Variants in TRAPPC9 observed in about 807,000 individuals in gnomAD.
The protein encoded by TRAPPC9 is trafficking protein particle complex subunit 9.
TRAPPC9 carries 83 observed loss-of-function variants against 124.0 expected under a neutral mutation model. The observed-to-expected ratio is 0.67, with a 90% confidence interval of 0.56 to 0.80. TRAPPC9 has a LOEUF of 0.80. Ranked by LOEUF, TRAPPC9 falls within the 30% of genes least tolerant of loss-of-function variation. TRAPPC9 has a pLI of 0.00. For missense variants in TRAPPC9, 1,302 were observed against 1,508.3 expected (o/e 0.86, Z 2.27); for synonymous variants, 638 against 617.5 (o/e 1.03, Z -0.49).
chr8:140,317,967 C>T (rs2131921541), intron 9 of TRAPPC9, among the ~76,000 whole-genome samples: 1 of 152,112 alleles, frequency 6.6e-6, no homozygotes, highest in South Asian at 2.1e-4. Flanking sequence ...GGATTGGTAT[C>T]AAATGTCACC....
chr8:140,171,625 C>T (rs774036813), intron 17 of TRAPPC9, among the ~76,000 whole-genome samples: 4 of 152,158 alleles, frequency 2.6e-5, no homozygotes, highest in Non-Finnish European at 5.9e-5. Flanking sequence ...GAGCTGAGGT[C>T]CTCTGCCATG....
chr8:140,016,114 C>T (rs1839447516), intron 18 of TRAPPC9, among the ~76,000 whole-genome samples: 1 of 152,164 alleles, frequency 6.6e-6, no homozygotes, highest in East Asian at 1.9e-4. Context: ...CTTTCCAGCT[C>T]TCCCCAGTAA....
At chr8:139,970,526 G>A (rs1358405002) in intron 19 of TRAPPC9, among the ~76,000 whole-genome samples, 2 of 152,152 alleles carry the variant, frequency 1.3e-5, no homozygotes, top group African/African-American at 2.4e-5. Context: ...CCCAGAGAGA[G>A]GCCCCTTCAT....
chr8:139,746,509 G>A (rs1003098485), intron 21 of TRAPPC9, among the ~76,000 whole-genome samples: 7 of 152,176 alleles, frequency 4.6e-5, no homozygotes, highest in Admixed American at 1.3e-4. Flanking sequence ...GAGCCCCTAG[G>A]GGTGGGGCCC....
intron 21 of TRAPPC9, among the ~76,000 whole-genome samples, chr8:139,874,005 C>T (rs75861358): frequency 0.016 from 2,490 of 152,300 alleles, 32 homozygotes; most frequent in Admixed American, 0.029. Context: ...ACAGTCAGGC[C>T]GTTCTTCTCG....
intron 15 of TRAPPC9, among the ~76,000 whole-genome samples, chr8:140,274,016 C>G (rs1284020511): frequency 6.6e-6 from 1 of 152,128 alleles, no homozygotes; most frequent in Non-Finnish European, 1.5e-5. Flanking sequence ...GATGGGACCA[C>G]CTCCCTGTGA....
At chr8:139,946,829 A>T (rs959518013) in intron 19 of TRAPPC9, among the ~76,000 whole-genome samples, 7 of 151,476 alleles carry the variant, frequency 4.6e-5, no homozygotes, top group Non-Finnish European at 8.8e-5. Context: ...AAATTTAAAA[A>T]AAAAAAAATT....
chr8:140,176,452 C>G (rs2062073395), intron 17 of TRAPPC9, among the ~76,000 whole-genome samples: 1 of 152,214 alleles, frequency 6.6e-6, no homozygotes, highest in Non-Finnish European at 1.5e-5. Context: ...CTTCCACAGA[C>G]AGTAACGTTT....
At chr8:140,263,164 G>A (rs2064489177) in intron 15 of TRAPPC9, among the ~76,000 whole-genome samples, 1 of 152,310 alleles carries the variant, frequency 6.6e-6, no homozygotes, top group East Asian at 1.9e-4. Flanking sequence ...GCAGCTGGCA[G>A]CCATGAAGAC....
At chr8:140,276,420 C>T (rs1418027118) in intron 14 of TRAPPC9, among the ~76,000 whole-genome samples, 6 of 152,144 alleles carry the variant, frequency 3.9e-5, no homozygotes, top group African/African-American at 1.4e-4. Flanking sequence ...TGTGGGGCTC[C>T]ATCCTCACAC....
At chr8:139,861,729 G>A (rs928920307) in intron 21 of TRAPPC9, among the ~76,000 whole-genome samples, 13 of 152,078 alleles carry the variant, frequency 8.5e-5, no homozygotes, top group African/African-American at 1.7e-4. Flanking sequence ...CCCACAAATC[G>A]AGTGGTTTTG....
chr8:139,990,200 C>A (rs1437022627), intron 18 of TRAPPC9, among the ~76,000 whole-genome samples: 1 of 152,124 alleles, frequency 6.6e-6, no homozygotes, highest in Non-Finnish European at 1.5e-5. Flanking sequence ...AAGGGACAAT[C>A]GCCTGTGACT....
intron 19 of TRAPPC9, among the ~76,000 whole-genome samples, chr8:139,929,047 T>A (rs909066385): frequency 6.6e-6 from 1 of 152,132 alleles, no homozygotes; most frequent in Non-Finnish European, 1.5e-5. Context: ...GGCAATCCCA[T>A]CTTGTGGAAA....
In TRAPPC9 at chr8:140,216,475, A is replaced by T. The variant is rs2063197479; in HGVS notation, c.2556+4984T>A. On this transcript the variant is annotated intron_variant, in intron 17 of 22. Transcript: ENST00000438773. This position sits in a 1 kb window ranked among gnomAD's most constrained non-coding sequence, Gnocchi z 4.1. ...TGTAAGAGCCTATCCTGTGAGACAC[A>T]GAAAAAATCCTCTTCTTGTCTAACA... Among the ~76,000 whole-genome samples the T allele has an allele frequency of 6.6e-6, 1 of 152,208 alleles. No homozygotes were observed. Among genetic ancestry groups the T allele is most frequent in the Non-Finnish European group, 1.5e-5 (1 of 68,036 alleles).
chr8:139,875,428 G>A (rs1420948003), intron 21 of TRAPPC9, among the ~76,000 whole-genome samples: 1 of 152,204 alleles, frequency 6.6e-6, no homozygotes, highest in African/African-American at 2.4e-5. Flanking sequence ...TCTCCAAATG[G>A]GGGATTAGGA....
chr8:140,033,704 C>CA (rs1464213160), intron 17 of TRAPPC9, among the ~76,000 whole-genome samples: 1 of 31,966 alleles, frequency 3.1e-5, no homozygotes, highest in Non-Finnish European at 1.1e-4. Flanking sequence ...TTTTTTGAGA[C>CA]AGAGTCTCGC....
chr8:139,880,619 G>C (rs545353831), intron 21 of TRAPPC9, among the ~76,000 whole-genome samples: 1 of 152,128 alleles, frequency 6.6e-6, no homozygotes, highest in Non-Finnish European at 1.5e-5. Context: ...CGTCACAATC[G>C]AGAGTCACGT....
At chr8:140,360,518 T>G (rs2067918323) in intron 8 of TRAPPC9, among the ~76,000 whole-genome samples, 1 of 152,174 alleles carries the variant, frequency 6.6e-6, no homozygotes, top group East Asian at 1.9e-4. Context: ...ACATACTTTT[T>G]TTCCAAGAAA....
chr8:140,346,732 C>CA (rs1292324502), intron 9 of TRAPPC9, among the ~76,000 whole-genome samples: 29 of 152,104 alleles, frequency 1.9e-4, no homozygotes, highest in African/African-American at 6.8e-4. Context: ...AAAGAGAAAA[C>CA]AAAACAAAAA....
Sources: allele counts gnomAD v4.1 joint callset (sites outside exome capture counted in the v4.1 genomes callset), GRCh38; gene constraint gnomAD v4.1.1; non-coding constraint Gnocchi (gnomAD v3.1); transcripts MANE v1.5; gene names NCBI Gene and HGNC (gene_info 2026-07-23, HGNC 2026-07-21).